THRAP3: variants seen among roughly 807,000 people sequenced by gnomAD.
THRAP3 encodes the protein thyroid hormone receptor associated protein 3, also known as thyroid hormone receptor-associated protein 3.
Under a neutral mutation model 101.0 loss-of-function variants are expected in THRAP3, and 16 were observed. The observed-to-expected ratio is 0.16, with a 90% CI of 0.11 to 0.24. The LOEUF (loss-of-function observed/expected upper bound fraction) is 0.24, where lower values mean the gene tolerates loss of function less well. Among genes scored for constraint, THRAP3 ranks in the 10% least tolerant of loss-of-function variants. THRAP3 has a pLI of 1.00. For missense variants in THRAP3, 989 were observed against 1,202.7 expected, an observed-to-expected ratio of 0.82 and a Z score of 2.63; for synonymous variants, 407 against 422.6, an observed-to-expected ratio of 0.96 and a Z score of 0.45.
At chr1:36,237,853 G>C (rs989446214) in intron 1 of THRAP3, among the ~76,000 whole-genome samples, 1 of 152,062 alleles carries the variant, frequency 6.6e-6, no homozygotes, top group African/African-American at 2.4e-5. Flanking sequence ...AGACAACCTT[G>C]CTTTGTCACC....
Position 36,303,891 on chromosome 1 carries a change from G to C in THRAP3, c.2742G>C (p.Arg914=). ...GGGGTCGGGGCCGGTTCATGTTCCGGAAATCAAGTACCAGCCCCAAGTGGG... is the reference window on the plus strand; with the variant it reads ...GGGGTCGGGGCCGGTTCATGTTCCGCAAATCAAGTACCAGCCCCAAGTGGG... The part of the protein sequence containing the change: ...FPRGRGRFMF[R]KSSTSPKWAH... The change falls in exon 12 of 12, where the codon CGG becomes CGC. Residue 914 remains arginine, a synonymous_variant. Transcript: ENST00000354618. The C allele has an allele frequency of 6.2e-7, 1 of 1,613,708 alleles. No homozygotes were observed. Among genetic ancestry groups the C allele is most frequent in the Non-Finnish European group, 8.5e-7 (1 of 1,179,888 alleles).
At chr1:36,275,878 G>A (rs1338024416) in intron 2 of THRAP3, among the ~76,000 whole-genome samples, 2 of 151,954 alleles carry the variant, frequency 1.3e-5, no homozygotes, top group Admixed American at 6.6e-5. Flanking sequence ...TATTAGCCAG[G>A]CATGGTGACA....
intron 7 of THRAP3, among the ~76,000 whole-genome samples, chr1:36,293,443 G>C (rs1016635042): frequency 6.6e-6 from 1 of 152,170 alleles, no homozygotes; most frequent in Non-Finnish European, 1.5e-5. Flanking sequence ...GAGCTTGTAG[G>C]ATTATCTCAC....
At chr1:36,276,072 G>T (rs944374417) in intron 2 of THRAP3, among the ~76,000 whole-genome samples, 2 of 152,042 alleles carry the variant, frequency 1.3e-5, no homozygotes, top group East Asian at 3.8e-4. Context: ...AATCATAATG[G>T]ATCATAGACC....
At chr1:36,223,760 C>A (rs1644923465), upstream of THRAP3, among the ~76,000 whole-genome samples, 1 of 151,962 alleles carries the variant, frequency 6.6e-6, no homozygotes, top group South Asian at 2.1e-4. Context: ...GGACGACAGT[C>A]AGAAAATCAT....
In THRAP3 at chr1:36,300,922, C is replaced by T. The variant is rs773537563; in HGVS notation, c.2340C>T (p.Ser780=). The T allele has an allele frequency of 1.2e-6, 2 of 1,613,774 alleles. No homozygotes were observed. The highest frequency in any genetic ancestry group is 1.3e-5 in the African/African-American group (1 of 74,912). The change falls in exon 10 of 12, where the codon TCC becomes TCT. Residue 780 remains serine (S), a synonymous_variant. Transcript: ENST00000354618. ...GAGCAAGAGACAGGTCCAGATCCTC[C>T]TCCTCTTCCTCCCAGTCATCTCACT... is the stretch of plus-strand genomic sequence containing the variant. ...HRRARDRSRS[S]SSSSQSSHSY... is the part of the protein sequence containing the mutation.
chr1:36,223,583 C>T (rs1234161772), upstream of THRAP3, among the ~76,000 whole-genome samples: 1 of 152,148 alleles, frequency 6.6e-6, no homozygotes, highest in Non-Finnish European at 1.5e-5. Context: ...AGCAGAAATT[C>T]CGGAGGAAAC....
At chr1:36,289,826 T>G in intron 5 of THRAP3, 62 bp downstream of exon 5, 1 of 1,522,520 alleles carries the variant, frequency 6.6e-7, no homozygotes, top group Non-Finnish European at 8.8e-7. Context: ...CGCCTAGCCT[T>G]TCTCCCTGGG....
chr1:36,234,957 G>T (rs552410049), intron 1 of THRAP3, among the ~76,000 whole-genome samples: 1 of 152,138 alleles, frequency 6.6e-6, no homozygotes, highest in African/African-American at 2.4e-5. Flanking sequence ...GGGATTACAG[G>T]CATCCACTAC....
At chr1:36,219,032 CAAAAA>C in the THRAP3 span, among the ~76,000 whole-genome samples, 6,443 of 64,580 alleles carry the variant, frequency 0.1, 461 homozygotes, top group African/African-American at 0.25. Flanking sequence ...GGCTCCATCT[CAAAAA>C]AAAAAAAAAA....
chr1:36,247,141 AC>A (rs761245247), intron 1 of THRAP3, among the ~76,000 whole-genome samples: 4 of 151,778 alleles, frequency 2.6e-5, no homozygotes, highest in Non-Finnish European at 5.9e-5. Context: ...ACATGGTGAA[AC>A]CCTGTTTCTA....
At chr1:36,224,197 C>T (rs928144829), upstream of THRAP3, among the ~76,000 whole-genome samples, 3 of 152,258 alleles carry the variant, frequency 2.0e-5, no homozygotes, top group South Asian at 2.1e-4. Context: ...CACCGCCCTC[C>T]TCCATCTCCA....
chr1:36,213,290 CT>C, the THRAP3 span, among the ~76,000 whole-genome samples: 1 of 152,050 alleles, frequency 6.6e-6, no homozygotes, highest in Non-Finnish European at 1.5e-5. Flanking sequence ...TGTAGGATGC[CT>C]CTCTGCTTGG....
chr1:36,212,475 C>T, the THRAP3 span, among the ~76,000 whole-genome samples: 1 of 137,230 alleles, frequency 7.3e-6, no homozygotes, highest in Non-Finnish European at 1.5e-5. Flanking sequence ...GGCTGAAGTG[C>T]AGTGGCGCGA....
chr1:36,233,677 G>A (rs1003964853), intron 1 of THRAP3, among the ~76,000 whole-genome samples: 5 of 152,068 alleles, frequency 3.3e-5, no homozygotes, highest in Non-Finnish European at 5.9e-5. Flanking sequence ...GAGGCAGGAG[G>A]ATTGCTTGAA....
chr1:36,233,292 G>A (rs1645049581), intron 1 of THRAP3, among the ~76,000 whole-genome samples: 2 of 151,646 alleles, frequency 1.3e-5, no homozygotes, highest in African/African-American at 4.8e-5. Flanking sequence ...CGGATCACGA[G>A]GTCAGGAGAT....
chr1:36,215,037 C>A, the THRAP3 span, among the ~76,000 whole-genome samples: 1 of 150,266 alleles, frequency 6.7e-6, no homozygotes, highest in Non-Finnish European at 1.5e-5. Flanking sequence ...CTGGCTAACA[C>A]GATGAAACCC....
chr1:36,286,247 C>A lies in THRAP3; in HGVS notation c.138-121C>A. 2.0e-6 allele frequency: 2 copies of A among 1,018,388 alleles called. No homozygotes were observed. Among genetic ancestry groups the A allele is most frequent in the Non-Finnish European group, 2.9e-6 (2 of 695,596 alleles). 63.1% of individuals were successfully genotyped at this position (1,018,388 alleles called of 1,614,324 possible). A position where few individuals can be genotyped will look rare whatever the true frequency, so the allele number is the denominator to read the frequency against. ...GTGGGATTAAATATTTGTGCCCTTG[C>A]TTTGAAAACAAAACTGAAAGTGAAT... On this transcript the variant is annotated intron_variant, in intron 3 of 11. Transcript: ENST00000354618. The surrounding 1 kb of genome is among the most constrained non-coding windows in gnomAD (Gnocchi z 5.5).
At position 36,304,613 on chromosome 1, in the gene THRAP3, G is replaced by A. The variant is rs1477149258; in HGVS notation, c.*596G>A. 4.5e-6 allele frequency: 1 copy of A among 223,632 alleles called. No individual in the cohort carries two copies. 13.9% of individuals were successfully genotyped at this position (223,632 alleles called of 1,614,324 possible). ...TTGGATCTTTGTAAAAACCGGTTTT[G>A]TATGTCAAGGAGGAGTTTAAGGCCT... On this transcript the variant is annotated 3_prime_UTR_variant, in exon 12 of 12. Transcript: ENST00000354618.
Sources: allele counts gnomAD v4.1 joint callset (sites outside exome capture counted in the v4.1 genomes callset), GRCh38; gene constraint gnomAD v4.1.1; non-coding constraint Gnocchi (gnomAD v3.1); transcripts MANE v1.5; gene names NCBI Gene and HGNC (gene_info 2026-07-23, HGNC 2026-07-21).